Variants in JMJD6 observed in about 807,000 individuals in gnomAD.
JMJD6 encodes jumonji domain containing 6, arginine demethylase and lysine hydroxylase.
A neutral mutation model predicts 45.8 loss-of-function variants in JMJD6; 17 were observed. That is an observed-to-expected ratio of 0.37 (90% CI 0.25 to 0.56). The LOEUF (loss-of-function observed/expected upper bound fraction) is 0.56. Ranked by LOEUF, JMJD6 falls within the 20% of genes least tolerant of loss-of-function variation. The pLI is 0.79. For synonymous variants in JMJD6, 221 were observed against 196.3 expected, an observed-to-expected ratio of 1.13 and a Z score of -1.05; for missense variants, 470 against 517.5, an observed-to-expected ratio of 0.91 and a Z score of 0.89.
At chr17:76,720,187 T>C (rs576488444) in intron 5 of JMJD6, among the ~76,000 whole-genome samples, 173 bp downstream of exon 5, 128 of 152,282 alleles carry the variant, frequency 8.4e-4, no homozygotes, top group Middle Eastern at 3.4e-3. Context: ...AGCTGTAAAA[T>C]GGGCAAGATA....
chr17:76,725,502 G>A lies in JMJD6; in HGVS notation c.483C>T (p.Phe161=). The A allele has an allele frequency of 1.9e-6, 3 of 1,613,852 alleles. No homozygotes were observed. The highest frequency in any genetic ancestry group is 2.5e-6 in the Non-Finnish European group (3 of 1,179,972). Residue 161 remains phenylalanine, a synonymous_variant, in exon 2 of 6, where the codon TTC becomes TTT. Transcript: ENST00000397625. ...GCCTGCGCTTCTCCCCAGCATACTG[G>A]AAAAGGTCATCAGTGAAAAACTTTG... is the stretch of plus-strand genomic sequence containing the variant. The part of the protein sequence containing the change: ...KVPKFFTDDL[F]QYAGEKRRPP...
At position 76,725,803 on chromosome 17, in the gene JMJD6, T is replaced by C; in HGVS notation, c.182A>G (p.Glu61Gly). The change falls in exon 2 of 6, where the codon GAG (glutamate) becomes GGG (glycine). Residue 61 changes from glutamate (E) to glycine (G), a missense_variant. Glu to Gly is a moderately conservative substitution (Grantham distance 98). Around this residue, in one of 4 missense-constraint regions of JMJD6, gnomAD observed 346 missense variants for 339.5 expected, o/e 1.02. Transcript: ENST00000397625. The stretch of plus-strand genomic sequence containing the variant: ...GGGCTTGTAAGGTCTTTCATACCGC[T>C]CCACAAATTCTTCCACAGACAGCTG... ...ALQLSVEEFV[E>G]RYERPYKPVV... The C allele has an allele frequency of 6.2e-7, 1 of 1,613,550 alleles. No homozygotes were observed. The highest frequency in any genetic ancestry group is 1.1e-5 in the South Asian group (1 of 91,056).
Position 76,726,583 on chromosome 17 carries a change from C to T in JMJD6, c.-108G>A. The T allele has an allele frequency of 2.1e-6, 3 of 1,415,530 alleles. No individual in the cohort carries two copies. The highest frequency in any genetic ancestry group is 2.8e-6 in the Non-Finnish European group (3 of 1,069,086). The allele number at this position is 1,415,530 out of a possible 1,614,324, so 87.7% of individuals were successfully genotyped here. A position where few individuals can be genotyped will look rare whatever the true frequency, so the allele number is the denominator to read the frequency against. On this transcript the variant is annotated 5_prime_UTR_variant, in exon 1 of 6. Coordinates refer to ENST00000397625, the MANE Select transcript of JMJD6 (RefSeq NM_015167.3). ...GGCGGCGACGGCAGTACCCAAACGC[C>T]CTTCGCTCAGTCCCGGCGCCTTTAA...
downstream of JMJD6, chr17:76,716,732 A>C: frequency 6.2e-7 from 1 of 1,614,120 alleles, no homozygotes; most frequent in Non-Finnish European, 8.5e-7. Context: ...CCTGCCAAGG[A>C]AAGCACAACT....
intron 3 of JMJD6, among the ~76,000 whole-genome samples, chr17:76,722,584 G>A (rs1022229892): frequency 6.6e-5 from 10 of 152,010 alleles, no homozygotes; most frequent in African/African-American, 1.9e-4. Flanking sequence ...GGTGGCTCAC[G>A]CCTGTAATCC....
At chr17:76,716,388 G>T (rs956336575), downstream of JMJD6, 2 of 372,812 alleles carry the variant, frequency 5.4e-6, no homozygotes, top group African/African-American at 4.1e-5. Context: ...ATCACACCCT[G>T]CCAGCCTTGT....
chr17:76,723,113 T>G (rs2076849106), intron 3 of JMJD6, among the ~76,000 whole-genome samples: 1 of 151,462 alleles, frequency 6.6e-6, no homozygotes, highest in South Asian at 2.1e-4. Context: ...GCCTGATTAA[T>G]TTTTGTATTA....
In JMJD6 at chr17:76,718,514, C is replaced by T. The variant is rs190524184; in HGVS notation, c.*215G>A. On this transcript the variant is annotated 3_prime_UTR_variant, in exon 6 of 6. Coordinates refer to ENST00000397625, the MANE Select transcript of JMJD6 (RefSeq NM_015167.3). Reference sequence around the variant, plus strand: ...ATTTTCTTGGCACTATTCACATTCTCTTGCCTGAGTAAAACAAGCCGCGTT... The same window carrying T: ...ATTTTCTTGGCACTATTCACATTCTTTTGCCTGAGTAAAACAAGCCGCGTT... 1.5e-6 allele frequency: 2 copies of T among 1,358,834 alleles called. No individual in the cohort carries two copies. Among genetic ancestry groups the T allele is most frequent in the Admixed American group, 3.6e-5 (1 of 28,154 alleles). 84.2% of individuals were successfully genotyped at this position (1,358,834 alleles called of 1,614,324 possible). A position where few individuals can be genotyped will look rare whatever the true frequency, so the allele number is the denominator to read the frequency against.
At chr17:76,724,494 T>G (rs966831888) in intron 2 of JMJD6, among the ~76,000 whole-genome samples, 2 of 152,090 alleles carry the variant, frequency 1.3e-5, no homozygotes, top group Non-Finnish European at 1.5e-5. Flanking sequence ...AAACACTGGG[T>G]GCATTGTTCA....
chr17:76,717,172 G>A (rs1289986961), downstream of JMJD6, among the ~76,000 whole-genome samples: 1 of 151,984 alleles, frequency 6.6e-6, no homozygotes, highest in East Asian at 1.9e-4. Flanking sequence ...AGCAGTCAAG[G>A]GCTTCAGACA....
intron 2 of JMJD6, among the ~76,000 whole-genome samples, chr17:76,724,505 T>C (rs952578486): frequency 5.9e-5 from 9 of 152,130 alleles, no homozygotes; most frequent in Non-Finnish European, 1.0e-4. Context: ...GCATTGTTCA[T>C]GGACTGATTC....
In JMJD6 at chr17:76,726,518, C is replaced by T. The variant is rs778905336; in HGVS notation, c.-43G>A. The T allele has an allele frequency of 5.1e-6, 8 of 1,564,834 alleles. No homozygotes were observed. In the South Asian group the frequency reaches 9.2e-5, roughly 18 times the overall value. ...TGGTTCCGCTACGACCTCGGCGCAG[C>T]CCGCTTCCTGACACTAACGCACCCC... On this transcript the variant is annotated 5_prime_UTR_variant, in exon 1 of 6. Coordinates refer to ENST00000397625, the MANE Select transcript of JMJD6 (RefSeq NM_015167.3).
chr17:76,717,260 C>G (rs1330178152), downstream of JMJD6, among the ~76,000 whole-genome samples: 1 of 152,206 alleles, frequency 6.6e-6, no homozygotes, highest in African/African-American at 2.4e-5. Context: ...ATTCTCCAAG[C>G]TGGTCTTGAA....
downstream of JMJD6, chr17:76,716,628 T>C (rs534785093): frequency 3.3e-6 from 5 of 1,528,842 alleles, no homozygotes; most frequent in African/African-American, 2.7e-5. Context: ...GAGAACTGAG[T>C]TGGGTGGCTG....
At chr17:76,716,807 C>T (rs2076768043), downstream of JMJD6, 3 of 1,384,932 alleles carry the variant, frequency 2.2e-6, no homozygotes, top group Admixed American at 1.7e-5. Flanking sequence ...AAAAGCAGGA[C>T]CCCCGGGACC....
intron 3 of JMJD6, among the ~76,000 whole-genome samples, chr17:76,722,355 C>T (rs970513010): frequency 6.6e-6 from 1 of 152,216 alleles, no homozygotes; most frequent in Non-Finnish European, 1.5e-5. Flanking sequence ...CTTTCCTTCA[C>T]TTATCAAAGC....
At chr17:76,716,900 T>C (rs144136274), downstream of JMJD6, among the ~76,000 whole-genome samples, 12 of 152,358 alleles carry the variant, frequency 7.9e-5, no homozygotes, top group African/African-American at 2.9e-4. Flanking sequence ...TATAAATCTA[T>C]AAATATGTAA....
rs893573970 is a variant in JMJD6 at position 76,721,792 on chromosome 17, T to G, written c.941+6A>C. ...CAAGCAGAAATAAGAAAAAAATGACTCTCACCTATACCATTTCCTTGATAA... is the reference window on the plus strand; with the variant it reads ...CAAGCAGAAATAAGAAAAAAATGACGCTCACCTATACCATTTCCTTGATAA... On this transcript the variant is annotated splice_donor_region_variant and intron_variant, in intron 4 of 5. Coordinates refer to ENST00000397625, the MANE Select transcript of JMJD6 (RefSeq NM_015167.3). The G allele has an allele frequency of 6.2e-7, 1 of 1,610,362 alleles. No individual in the cohort carries two copies. The highest frequency in any genetic ancestry group is 8.5e-7 in the Non-Finnish European group (1 of 1,178,170).
At chr17:76,718,119 C>A (rs1015496439), downstream of JMJD6, among the ~76,000 whole-genome samples, 16 of 144,044 alleles carry the variant, frequency 1.1e-4, no homozygotes, top group African/African-American at 4.2e-4. Context: ...GCCATGATCA[C>A]GCCACTGCAC....
Sources: allele counts gnomAD v4.1 joint callset (sites outside exome capture counted in the v4.1 genomes callset), GRCh38; gene constraint gnomAD v4.1.1; regional missense constraint gnomAD v4.1.1; transcripts MANE v1.5; gene names NCBI Gene and HGNC (gene_info 2026-07-23, HGNC 2026-07-21).